Variants in PRDM1 observed in about 807,000 individuals in gnomAD.
PRDM1 encodes the protein PR/SET domain 1.
PRDM1 carries 13 observed loss-of-function variants against 62.8 expected under a neutral mutation model. That is an observed-to-expected ratio of 0.21 (90% CI 0.13 to 0.33). PRDM1 has a LOEUF of 0.33. Among genes scored for constraint, PRDM1 ranks in the 10% least tolerant of loss-of-function variants. The probability of loss-of-function intolerance (pLI) is 1.00; values close to 1 mark genes in which losing one functional copy is unlikely to be tolerated. For missense variants in PRDM1, 895 were observed against 1,058.8 expected (o/e 0.85, Z 2.15); for synonymous variants, 396 against 417.6 (o/e 0.95, Z 0.63).
intron 1 of PRDM1, among the ~76,000 whole-genome samples, chr6:106,020,039 C>G (rs1772674530): frequency 6.7e-6 from 1 of 148,232 alleles, no homozygotes. Context: ...CAAGCCTGGC[C>G]AACATGGTGA....
chr6:106,022,047 C>T (rs1772702573), intron 1 of PRDM1, among the ~76,000 whole-genome samples: 1 of 152,196 alleles, frequency 6.6e-6, no homozygotes, highest in Non-Finnish European at 1.5e-5. Context: ...AGTATCTATC[C>T]TCCTACCCAA....
At chr6:106,044,775 GA>G (rs1372269887), upstream of PRDM1, among the ~76,000 whole-genome samples, 4 of 152,178 alleles carry the variant, frequency 2.6e-5, no homozygotes, top group Admixed American at 2.6e-4. Flanking sequence ...TATCCACCTA[GA>G]TAAGACAAGG....
At chr6:106,091,784 A>C (rs1414485325) in intron 2 of PRDM1, among the ~76,000 whole-genome samples, 1 of 151,708 alleles carries the variant, frequency 6.6e-6, no homozygotes, top group Non-Finnish European at 1.5e-5. Context: ...AAAATAAATA[A>C]GTAAATAAAT....
At chr6:106,041,809 C>CCT (rs1773002308) in intron 1 of PRDM1, among the ~76,000 whole-genome samples, 1 of 129,880 alleles carries the variant, frequency 7.7e-6, no homozygotes. Flanking sequence ...GTATTTCTTT[C>CCT]TTTTTTTTTT....
At chr6:106,104,205 G>GTTTTTTTTTTTTTTTTTTTTTTT (rs11317538) in intron 4 of PRDM1, among the ~76,000 whole-genome samples, 5 of 141,844 alleles carry the variant, frequency 3.5e-5, no homozygotes, top group Non-Finnish European at 3.1e-5. Context: ...TAAAATGGAA[G>GTTTTTTTTTTTTTTTTTTTTTTT]TTTTTTTTTT....
chr6:106,018,987 G>A (rs905937092), intron 1 of PRDM1, among the ~76,000 whole-genome samples: 3 of 152,002 alleles, frequency 2.0e-5, no homozygotes, highest in Non-Finnish European at 2.9e-5. Flanking sequence ...TCTAAGAAGA[G>A]TGCAGGGCAC....
chr6:106,098,825 AC>A, intron 3 of PRDM1: 1 of 1,525,470 alleles, frequency 6.6e-7, no homozygotes, highest in South Asian at 1.2e-5. Context: ...GGTGTAGGAA[AC>A]GGCGAGTACA....
chr6:106,039,569 A>G (rs569147521), intron 1 of PRDM1, among the ~76,000 whole-genome samples: 33 of 152,340 alleles, frequency 2.2e-4, no homozygotes, highest in African/African-American at 7.5e-4. Flanking sequence ...CACTCATTTC[A>G]GGAAACAACC....
At chr6:106,017,078 A>C (rs1220582742) in intron 1 of PRDM1, among the ~76,000 whole-genome samples, 2 of 152,256 alleles carry the variant, frequency 1.3e-5, no homozygotes, top group Non-Finnish European at 2.9e-5. Context: ...TTATGAATGC[A>C]TAAAATATAT....
chr6:106,026,282 C>A (rs1335994997), intron 1 of PRDM1, among the ~76,000 whole-genome samples: 1 of 152,054 alleles, frequency 6.6e-6, no homozygotes, highest in East Asian at 1.9e-4. Flanking sequence ...AGTTCGAGAC[C>A]AGCCTGATCA....
chr6:106,052,693 G>A (rs530310040), intron 1 of PRDM1, among the ~76,000 whole-genome samples: 8 of 151,848 alleles, frequency 5.3e-5, no homozygotes, highest in Admixed American at 4.6e-4. Context: ...TGGTCATGCC[G>A]GGCGTGGGGT....
At chr6:106,018,399 A>C (rs932170199) in intron 1 of PRDM1, among the ~76,000 whole-genome samples, 1 of 152,244 alleles carries the variant, frequency 6.6e-6, no homozygotes, top group African/African-American at 2.4e-5. Context: ...ACATTAGTCA[A>C]TTAATGAACC....
At chr6:106,016,497 T>A (rs886476389) in intron 1 of PRDM1, among the ~76,000 whole-genome samples, 4 of 151,860 alleles carry the variant, frequency 2.6e-5, no homozygotes, top group African/African-American at 4.9e-5. Context: ...TCAGTTGGCA[T>A]TTAATAAATG....
upstream of PRDM1, among the ~76,000 whole-genome samples, chr6:106,085,118 T>A (rs780195928): frequency 5.3e-5 from 8 of 152,356 alleles, no homozygotes; most frequent in Non-Finnish European, 7.3e-5. Flanking sequence ...TTTCTTCCTG[T>A]AAACAAATAC....
At chr6:106,086,836 C>G (rs1319110470) in intron 1 of PRDM1, among the ~76,000 whole-genome samples, 1 of 152,144 alleles carries the variant, frequency 6.6e-6, no homozygotes, top group East Asian at 1.9e-4. Context: ...CCAGCTCACA[C>G]TCGTCAAACT....
At chr6:106,100,999 G>A (rs970436165) in intron 4 of PRDM1, among the ~76,000 whole-genome samples, 2 of 152,012 alleles carry the variant, frequency 1.3e-5, no homozygotes, top group South Asian at 2.1e-4. Context: ...GGAACCATTC[G>A]GCTGTTGTGG....
intron 1 of PRDM1, among the ~76,000 whole-genome samples, chr6:106,012,957 G>A (rs994211203): frequency 1.3e-5 from 2 of 152,188 alleles, no homozygotes; most frequent in Non-Finnish European, 2.9e-5. Context: ...TGTCGCCCAG[G>A]CTGGAGTGCA....
At chr6:106,052,976 A>G (rs1773203942) in intron 1 of PRDM1, among the ~76,000 whole-genome samples, 1 of 152,140 alleles carries the variant, frequency 6.6e-6, no homozygotes, top group African/African-American at 2.4e-5. Context: ...CAAAAAAAAA[A>G]AGTTATGGTC....
chr6:105,998,948 T>TGAGACAAGATCTCAC (rs1772395314), intron 1 of PRDM1, among the ~76,000 whole-genome samples: 1 of 125,278 alleles, frequency 8.0e-6, no homozygotes, highest in African/African-American at 2.9e-5. Flanking sequence ...TTTTTTTTTT[T>TGAGACAAGATCTCAC]TTCTTTTGAG....
Sources: gnomAD v4.1 joint callset for allele counts (sites outside exome capture counted in the v4.1 genomes callset) on GRCh38, gnomAD v4.1.1 for gene constraint, MANE v1.5 for transcripts, NCBI Gene and HGNC (gene_info 2026-07-23, HGNC 2026-07-21) for gene names.